The following PTPRB variants were observed in gnomAD, a reference collection of about 807,000 sequenced individuals.
The protein encoded by PTPRB is receptor-type tyrosine-protein phosphatase beta.
Under a neutral mutation model 238.1 loss-of-function variants are expected in PTPRB, and 97 were observed. The ratio of observed to expected loss-of-function variants is 0.41; its 90% CI spans 0.35 to 0.48. The LOEUF (loss-of-function observed/expected upper bound fraction) is 0.48, where lower values mean the gene tolerates loss of function less well. Among genes scored for constraint, PTPRB ranks in the 20% least tolerant of loss-of-function variants. The pLI, the probability that PTPRB is intolerant of heterozygous loss-of-function variation, is 0.30. For synonymous variants in PTPRB, 970 were observed against 995.4 expected (o/e 0.97, Z 0.48); for missense variants, 2,292 against 2,681.9 (o/e 0.85, Z 3.21).
At chr12:70,536,543 A>G (rs1034353659) in intron 28 of PTPRB, among the ~76,000 whole-genome samples, 6 of 152,230 alleles carry the variant, frequency 3.9e-5, no homozygotes, top group African/African-American at 1.4e-4. Flanking sequence ...AATCAATGTC[A>G]GAATAATTTG....
Position 70,550,610 on chromosome 12 carries a change from T to C in PTPRB, c.5387+2167A>G, listed in dbSNP as rs568099701. The stretch of plus-strand genomic sequence containing the variant: ...AAATGCTGCTTACACAGTTAAAAAG[T>C]GGCAGAGCTGGAACTCAAATGCAGG... On this transcript the variant is annotated intron_variant, in intron 21 of 33. Coordinates refer to ENST00000334414, the MANE Select transcript of PTPRB (RefSeq NM_001109754.4). 2.6e-5 allele frequency among the ~76,000 whole-genome samples: 4 copies of C among 152,292 alleles called. No individual in the cohort carries two copies. In the East Asian group the frequency reaches 7.7e-4, roughly 29 times the overall value.
chr12:70,529,553 A>G (rs921569265), intron 32 of PTPRB, among the ~76,000 whole-genome samples: 6 of 152,222 alleles, frequency 3.9e-5, no homozygotes, highest in Non-Finnish European at 5.9e-5. Context: ...AGATTAAAAA[A>G]TATTGAGGAT....
chr12:70,560,528 C>T lies in PTPRB; in HGVS notation c.4432+143G>A. On this transcript the variant is annotated intron_variant, in intron 17 of 33. Coordinates refer to ENST00000334414, the MANE Select transcript of PTPRB (RefSeq NM_001109754.4). This position sits in a 1 kb window ranked among gnomAD's most constrained non-coding sequence, Gnocchi z 4.2. Reference sequence around the variant, plus strand: ...CAAAGCCTTGTCCTTTATCTGTTGTCCCACAGTCCCTTCCCAAATTCAGGG... The same window carrying T: ...CAAAGCCTTGTCCTTTATCTGTTGTTCCACAGTCCCTTCCCAAATTCAGGG... 9.5e-7 allele frequency: 1 copy of T among 1,047,584 alleles called. No homozygotes were observed. Among genetic ancestry groups the T allele is most frequent in the Non-Finnish European group, 1.4e-6 (1 of 736,514 alleles). The allele number at this position is 1,047,584 out of a possible 1,614,324, so 64.9% of individuals were successfully genotyped here.
At chr12:70,604,854 G>A (rs1484129605) in intron 4 of PTPRB, among the ~76,000 whole-genome samples, 1 of 152,140 alleles carries the variant, frequency 6.6e-6, no homozygotes, top group African/African-American at 2.4e-5. Flanking sequence ...GCAGGCCAAG[G>A]AGAGGCCTCA....
chr12:70,566,612 T>G lies in PTPRB; in HGVS notation c.3727A>C (p.Arg1243=). The G allele has an allele frequency of 6.2e-7, 1 of 1,614,072 alleles. No homozygotes were observed. The highest frequency in any genetic ancestry group is 1.1e-5 in the South Asian group (1 of 91,082). Residue 1243 remains arginine (R), a synonymous_variant, in exon 15 of 34, where the codon AGA becomes CGA. Transcript: ENST00000334414. ...TCAGTTAGAAGCAGGATATCATATCTTTCTGCCACACCAGCAGCTTTTTGC... is the reference window on the plus strand; with the variant it reads ...TCAGTTAGAAGCAGGATATCATATCGTTCTGCCACACCAGCAGCTTTTTGC... ...SWQKAAGVAE[R]YDILLLTENG... is the part of the protein sequence containing the mutation.
Position 70,555,856 on chromosome 12 carries a change from C to T in PTPRB, c.4993+14G>A, listed in dbSNP as rs574659823. 6.2e-7 allele frequency: 1 copy of T among 1,611,078 alleles called. No homozygotes were observed. The highest frequency in any genetic ancestry group is 1.1e-5 in the South Asian group (1 of 90,900). On this transcript the variant is annotated intron_variant, in intron 19 of 33. Coordinates refer to ENST00000334414, the MANE Select transcript of PTPRB (RefSeq NM_001109754.4). ...GTGACAGGAGGCTCTGTGCGCACCT[C>T]CAGGGACACTTACGGTCTATCATTG...
intron 4 of PTPRB, among the ~76,000 whole-genome samples, chr12:70,598,381 A>G (rs764436745): frequency 6.6e-5 from 10 of 152,212 alleles, no homozygotes; most frequent in Non-Finnish European, 1.3e-4. Context: ...TATTCCTATA[A>G]TTAGGTGAAA....
chr12:70,633,883 A>T (rs963161029), intron 2 of PTPRB, among the ~76,000 whole-genome samples: 4 of 151,896 alleles, frequency 2.6e-5, no homozygotes, highest in African/African-American at 9.7e-5. Context: ...ATAAGGTTTG[A>T]TTGGGGTTTG....
At position 70,637,332 on chromosome 12, in the gene PTPRB, C is replaced by T. The variant is rs780963613; in HGVS notation, c.55+9G>A. 6.2e-7 allele frequency: 1 copy of T among 1,603,056 alleles called. No individual in the cohort carries two copies. Among genetic ancestry groups the T allele is most frequent in the Non-Finnish European group, 8.5e-7 (1 of 1,174,482 alleles). ...AAATGCCTCAGGACACTGAGGCAGA[C>T]CCACTCACCTGAGTTCCTGAAGATC... On this transcript the variant is annotated intron_variant, in intron 1 of 33. Coordinates refer to ENST00000334414, the MANE Select transcript of PTPRB (RefSeq NM_001109754.4).
In PTPRB at chr12:70,596,232, A is replaced by C. The variant is rs750338689; in HGVS notation, c.1075T>G (p.Ser359Ala). 1 of 1,613,626 alleles carries C rather than the reference A, an allele frequency of 6.2e-7. No homozygotes were observed. Among genetic ancestry groups the C allele is most frequent in the Non-Finnish European group, 8.5e-7 (1 of 1,179,772 alleles). Reference sequence around the variant, plus strand: ...TCATCAAATAATTGCACCTCATATGAGGTGACTTTTCCGGAAGAAGGAGTC... The same window carrying C: ...TCATCAAATAATTGCACCTCATATGCGGTGACTTTTCCGGAAGAAGGAGTC... ...WWTPSSGKVT[S>A]YEVQLFDENN... is the part of the protein sequence containing the mutation. Residue 359 changes from serine to alanine, a missense_variant, in exon 5 of 34, where the codon TCA (serine) becomes GCA (alanine). Ser to Ala is a moderately conservative substitution (Grantham distance 99, BLOSUM62 1). Around this residue, in one of 4 missense-constraint regions of PTPRB, gnomAD observed 1,205 missense variants for 1,287.8 expected, o/e 0.94. Transcript: ENST00000334414.
rs1883815094 is a variant in PTPRB, at chr12:70,604,873, T to C, written c.979+4196A>G. ...GCCAAGGAGAGGCCTCAGAAGAAAC[T>C]AAACCTGCAGACACCTTCGCCTTGG... is the stretch of plus-strand genomic sequence containing the variant. On this transcript the variant is annotated intron_variant, in intron 4 of 33. Coordinates refer to ENST00000334414, the MANE Select transcript of PTPRB (RefSeq NM_001109754.4). 2.6e-5 allele frequency among the ~76,000 whole-genome samples: 4 copies of C among 152,238 alleles called. 1 individual carries two copies. The South Asian group carries it at 8.3e-4, about 32-fold the overall frequency.
chr12:70,540,247 GT>G, intron 23 of PTPRB: 6 of 456,646 alleles, frequency 1.3e-5, no homozygotes, highest in Non-Finnish European at 1.9e-5. Context: ...TTGTCTCCTG[GT>G]TTTTGGCTAC....
At position 70,562,880 on chromosome 12, in the gene PTPRB, C is replaced by G. The variant is rs1171931295; in HGVS notation, c.4132G>C (p.Glu1378Gln). 6.2e-7 allele frequency: 1 copy of G among 1,613,862 alleles called. No individual in the cohort carries two copies. Among genetic ancestry groups the G allele is most frequent in the Non-Finnish European group, 8.5e-7 (1 of 1,179,890 alleles). The change falls in exon 16 of 34, where the codon GAG becomes CAG. Residue 1378 changes from glutamate to glutamine, a missense_variant. Glu to Gln is a conservative substitution (Grantham distance 29). Transcript: ENST00000334414. The stretch of plus-strand genomic sequence containing the variant: ...AATATGAAAGACTCATTAGACAGCT[C>G]CCCACTGTGAGTTACAATCACCATC... ...YKMVIVTHSG[E>Q]LSNESFIFGR... is the part of the protein sequence containing the mutation.
chr12:70,587,814 C>T (rs542667787), intron 8 of PTPRB, among the ~76,000 whole-genome samples: 1 of 151,978 alleles, frequency 6.6e-6, no homozygotes, highest in African/African-American at 2.4e-5. Flanking sequence ...TAAGAATAAA[C>T]TGTTGGTTGG....
At chr12:70,525,004 A>C (rs995089784) in intron 32 of PTPRB, among the ~76,000 whole-genome samples, 1 of 142,744 alleles carries the variant, frequency 7.0e-6, no homozygotes, top group South Asian at 2.2e-4. Flanking sequence ...TATATATATA[A>C]AATATTCTGT....
intron 28 of PTPRB, among the ~76,000 whole-genome samples, chr12:70,536,492 C>T (rs568532401): frequency 3.3e-4 from 50 of 152,126 alleles, no homozygotes; most frequent in Non-Finnish European, 5.9e-4. Flanking sequence ...TAATCAGGCT[C>T]TTTCCCTATT....
At chr12:70,591,762 A>G (rs1882508625) in intron 7 of PTPRB, 2 of 154,646 alleles carry the variant, frequency 1.3e-5, no homozygotes. Context: ...ACATGTAAAA[A>G]CCACTCTTAG....
At chr12:70,609,717 G>T in intron 3 of PTPRB, 1 of 1,519,424 alleles carries the variant, frequency 6.6e-7, no homozygotes. Context: ...GGTTTTCGGC[G>T]GGGAGGGGGC....
intron 4 of PTPRB, among the ~76,000 whole-genome samples, chr12:70,606,461 C>T (rs1883951153): frequency 6.6e-6 from 1 of 152,100 alleles, no homozygotes; most frequent in African/African-American, 2.4e-5. Flanking sequence ...TCAGGCCAGT[C>T]ACATTTGGAA....
Sources: gnomAD v4.1 joint callset for allele counts (sites outside exome capture counted in the v4.1 genomes callset) on GRCh38, gnomAD v4.1.1 for gene constraint, gnomAD v4.1.1 regional missense constraint, Gnocchi (gnomAD v3.1) non-coding constraint, MANE v1.5 for transcripts, NCBI Gene and HGNC (gene_info 2026-07-23, HGNC 2026-07-21) for gene names.